The following GFRAL variants were observed in gnomAD, a reference collection of about 807,000 sequenced individuals.
GFRAL encodes GDNF family receptor alpha like.
A neutral mutation model predicts 45.4 loss-of-function variants in GFRAL; 36 were observed. The observed-to-expected ratio is 0.79, with a 90% confidence interval of 0.61 to 1.05. The LOEUF is 1.05. Ranked by LOEUF, GFRAL falls within the 50% of genes least tolerant of loss-of-function variation. The pLI is 0.00. For synonymous variants in GFRAL, 166 were observed against 154.1 expected (o/e 1.08, Z -0.57); for missense variants, 507 against 467.5 (o/e 1.08, Z -0.78).
At chr6:55,346,241 C>G (rs944131058) in intron 3 of GFRAL, among the ~76,000 whole-genome samples, 1 of 152,092 alleles carries the variant, frequency 6.6e-6, no homozygotes, top group Non-Finnish European at 1.5e-5. Flanking sequence ...CACATGCACA[C>G]GTATGTTTAC....
intron 6 of GFRAL, among the ~76,000 whole-genome samples, chr6:55,387,913 G>T (rs1242711827): frequency 6.6e-6 from 1 of 152,122 alleles, no homozygotes; most frequent in Non-Finnish European, 1.5e-5. Flanking sequence ...TTTATTTAGG[G>T]TATGTTGTAC....
At chr6:55,364,632 G>A (rs1455217057) in intron 6 of GFRAL, among the ~76,000 whole-genome samples, 1 of 148,490 alleles carries the variant, frequency 6.7e-6, no homozygotes, top group Non-Finnish European at 1.5e-5. Flanking sequence ...GTAAGGAAGG[G>A]ATTCAGTTTC....
In GFRAL at chr6:55,353,638, A is replaced by G. The variant is rs1768149041; in HGVS notation, c.701+2055A>G. 3.3e-5 allele frequency among the ~76,000 whole-genome samples: 5 copies of G among 152,120 alleles called. No individual in the cohort carries two copies. In the South Asian group the frequency reaches 1.0e-3, roughly 31 times the overall value. On this transcript the variant is annotated intron_variant, in intron 5 of 8. Transcript: ENST00000340465. ...GTTTTTCAAACTCATTTATCATCTC[A>G]AAAATCCTTATTAGAGAAATACTAC...
rs750462529 is a variant in GFRAL at position 55,331,700 on chromosome 6, T to C, written c.23-15T>C. 6.3e-7 allele frequency: 1 copy of C among 1,592,930 alleles called. No homozygotes were observed. Among genetic ancestry groups the C allele is most frequent in the Non-Finnish European group, 8.5e-7 (1 of 1,172,528 alleles). On this transcript the variant is annotated splice_polypyrimidine_tract_variant and intron_variant, in intron 1 of 8. Transcript: ENST00000340465. ...AATTTATATTACAACCTTGTTTTTGTTGTTGTTATTCAAGCTATGGGGTTA... is the reference window on the plus strand; with the variant it reads ...AATTTATATTACAACCTTGTTTTTGCTGTTGTTATTCAAGCTATGGGGTTA...
intron 6 of GFRAL, among the ~76,000 whole-genome samples, chr6:55,389,011 A>G (rs1768714510): frequency 1.3e-5 from 2 of 152,156 alleles, no homozygotes; most frequent in African/African-American, 4.8e-5. Flanking sequence ...TTCATTTCCA[A>G]AATCATGAGT....
At position 55,351,417 on chromosome 6, in the gene GFRAL, C is replaced by A. The variant is rs1483025876; in HGVS notation, c.535C>A (p.Pro179Thr). The A allele has an allele frequency of 6.2e-7, 1 of 1,613,656 alleles. No individual in the cohort carries two copies. The highest frequency in any genetic ancestry group is 1.7e-5 in the Admixed American group (1 of 59,902). The change falls in exon 5 of 9, where the codon CCT becomes ACT. Residue 179 changes from proline (P) to threonine (T), a missense_variant. By Grantham distance (38) the Pro-to-Thr change is conservative. Transcript: ENST00000340465. Reference protein sequence around the residue: ...AAIRFFYQNIPFNIAQMLAFC... With the variant: ...AAIRFFYQNITFNIAQMLAFC... ...CATACGGTTCTTCTATCAAAATATACCTTTTAACATTGCCCAGATGTTGGC... is the reference window on the plus strand; with the variant it reads ...CATACGGTTCTTCTATCAAAATATAACTTTTAACATTGCCCAGATGTTGGC...
At chr6:55,366,252 T>C (rs1189037534) in intron 6 of GFRAL, among the ~76,000 whole-genome samples, 1 of 152,070 alleles carries the variant, frequency 6.6e-6, no homozygotes, top group African/African-American at 2.4e-5. Flanking sequence ...TATTCTCTGA[T>C]GATAGTTTGT....
chr6:55,345,148 A>C (rs1317031637), intron 3 of GFRAL, among the ~76,000 whole-genome samples: 1 of 152,152 alleles, frequency 6.6e-6, no homozygotes, highest in Admixed American at 6.6e-5. Flanking sequence ...TGCCATCCCC[A>C]TCAAGCTACC....
intron 1 of GFRAL, 117 bp downstream of exon 1, chr6:55,327,693 T>C: frequency 3.3e-6 from 3 of 908,346 alleles, no homozygotes; most frequent in Admixed American, 2.4e-5. Context: ...CCAAGTAAAT[T>C]ACAAATTTAT....
At chr6:55,334,090 T>C in intron 3 of GFRAL, 146 bp downstream of exon 3, 3 of 569,496 alleles carry the variant, frequency 5.3e-6, no homozygotes, top group Non-Finnish European at 8.7e-6. Flanking sequence ...ATTTTGTTGG[T>C]ATATAGTAGG....
intron 6 of GFRAL, among the ~76,000 whole-genome samples, chr6:55,372,705 C>G (rs749482640): frequency 6.6e-6 from 1 of 152,108 alleles, no homozygotes; most frequent in African/African-American, 2.4e-5. Context: ...CTCAGTCACA[C>G]GGCCACACTT....
chr6:55,346,205 G>C (rs1427666998), intron 3 of GFRAL, among the ~76,000 whole-genome samples: 1 of 152,080 alleles, frequency 6.6e-6, no homozygotes, highest in Non-Finnish European at 1.5e-5. Flanking sequence ...ATACCCAAAG[G>C]ATTACAAATC....
At chr6:55,383,802 A>T (rs939963662) in intron 6 of GFRAL, among the ~76,000 whole-genome samples, 1 of 152,020 alleles carries the variant, frequency 6.6e-6, no homozygotes, top group Non-Finnish European at 1.5e-5. Flanking sequence ...ATTTACATTT[A>T]GGACAAGTTC....
intron 6 of GFRAL, among the ~76,000 whole-genome samples, chr6:55,378,137 T>G (rs949882053): frequency 3.3e-5 from 5 of 152,010 alleles, no homozygotes; most frequent in Non-Finnish European, 7.4e-5. Flanking sequence ...GTCCCCACAT[T>G]TCGTGCTTCA....
At chr6:55,346,151 G>A (rs1237334100) in intron 3 of GFRAL, among the ~76,000 whole-genome samples, 1 of 152,130 alleles carries the variant, frequency 6.6e-6, no homozygotes, top group African/African-American at 2.4e-5. Context: ...CAGGGATCTA[G>A]AACTAGAAAT....
intron 6 of GFRAL, among the ~76,000 whole-genome samples, chr6:55,385,839 T>G (rs1320978866): frequency 2.0e-5 from 3 of 152,098 alleles, no homozygotes; most frequent in African/African-American, 7.2e-5. Flanking sequence ...ATTAGTTATC[T>G]TCTCCCTAGA....
At chr6:55,331,887 T>A (rs1562046577) in intron 2 of GFRAL, 38 bp downstream of exon 2, 1 of 1,567,238 alleles carries the variant, frequency 6.4e-7, no homozygotes, top group Non-Finnish European at 8.7e-7. Flanking sequence ...AATGATTTAT[T>A]TTTACTAAGA....
intron 3 of GFRAL, among the ~76,000 whole-genome samples, chr6:55,348,552 T>C (rs1397397770): frequency 3.3e-5 from 5 of 152,098 alleles, no homozygotes; most frequent in Non-Finnish European, 1.5e-5. Flanking sequence ...AATCTTTTCC[T>C]GGCTAGGACT....
intron 6 of GFRAL, among the ~76,000 whole-genome samples, chr6:55,370,089 T>C (rs540575375): frequency 7.2e-5 from 11 of 152,266 alleles, no homozygotes; most frequent in African/African-American, 2.6e-4. Context: ...AACTGGATAA[T>C]TTCCATTGCT....
Sources: allele counts gnomAD v4.1 joint callset (sites outside exome capture counted in the v4.1 genomes callset), GRCh38; gene constraint gnomAD v4.1.1; transcripts MANE v1.5; gene names NCBI Gene and HGNC (gene_info 2026-07-23, HGNC 2026-07-21).